Variants in WWOX observed in about 807,000 individuals in gnomAD.
WWOX encodes WW domain-containing oxidoreductase.
A neutral mutation model predicts 46.2 loss-of-function variants in WWOX; 69 were observed. The observed-to-expected ratio is 1.49, with a 90% confidence interval of 1.23 to 1.82. The LOEUF (loss-of-function observed/expected upper bound fraction) is 1.82. Among genes scored for constraint, WWOX ranks in the 40% most tolerant of loss-of-function variants. WWOX has a pLI of 0.00. For synonymous variants in WWOX, 359 were observed against 202.6 expected (o/e 1.77, Z -6.56); for missense variants, 919 against 542.6 (o/e 1.69, Z -6.89).
intron 8 of WWOX, among the ~76,000 whole-genome samples, chr16:78,518,318 G>T (rs557679715): frequency 6.6e-6 from 1 of 152,002 alleles, no homozygotes; most frequent in Non-Finnish European, 1.5e-5. Flanking sequence ...CGCAGCCTCC[G>T]CCTCCTGGGA....
chr16:79,141,869 G>A (rs1469418165), intron 8 of WWOX, among the ~76,000 whole-genome samples: 4 of 151,998 alleles, frequency 2.6e-5, no homozygotes, highest in African/African-American at 9.7e-5. Flanking sequence ...TCTTGGCGTT[G>A]TGATTAGCCC....
intron 8 of WWOX, among the ~76,000 whole-genome samples, chr16:78,460,464 C>G (rs959933299): frequency 6.6e-6 from 1 of 152,142 alleles, no homozygotes; most frequent in Non-Finnish European, 1.5e-5. Flanking sequence ...ACTCTTTGTC[C>G]TTTTCTCTCC....
intron 8 of WWOX, among the ~76,000 whole-genome samples, chr16:78,766,957 G>A (rs1410928477): frequency 6.6e-6 from 1 of 152,052 alleles, no homozygotes; most frequent in Non-Finnish European, 1.5e-5. Context: ...CAAGCTTGTG[G>A]TCTCTGGTAA....
intron 8 of WWOX, among the ~76,000 whole-genome samples, chr16:79,099,395 G>C (rs1387560873): frequency 1.3e-5 from 2 of 152,188 alleles, no homozygotes; most frequent in African/African-American, 2.4e-5. Context: ...CTTACTGCCG[G>C]GGAGACCATA....
At chr16:78,600,295 AC>A (rs1469294008) in intron 8 of WWOX, among the ~76,000 whole-genome samples, 1 of 152,110 alleles carries the variant, frequency 6.6e-6, no homozygotes, top group East Asian at 2.0e-4. Flanking sequence ...TCACAGGGTC[AC>A]CTGTAGGTTA....
chr16:78,777,940 A>G (rs2050232111), intron 8 of WWOX, among the ~76,000 whole-genome samples: 1 of 151,356 alleles, frequency 6.6e-6, no homozygotes, highest in African/African-American at 2.4e-5. Flanking sequence ...AACTGCTCAG[A>G]ATGCTAAGGT....
chr16:78,215,544 C>T (rs2036691390), intron 5 of WWOX, among the ~76,000 whole-genome samples: 1 of 152,226 alleles, frequency 6.6e-6, no homozygotes. Context: ...TTCCTGAGGC[C>T]TCCCTAGCCA....
intron 8 of WWOX, among the ~76,000 whole-genome samples, chr16:78,682,924 C>T (rs914850394): frequency 3.3e-5 from 5 of 152,090 alleles, no homozygotes; most frequent in African/African-American, 1.2e-4. Context: ...GACTAAACAT[C>T]ATAAGCTCCA....
intron 7 of WWOX, among the ~76,000 whole-genome samples, chr16:78,431,587 G>A (rs1018338708): frequency 2.6e-5 from 4 of 151,206 alleles, no homozygotes; most frequent in Non-Finnish European, 5.9e-5. Context: ...CCTGTTGAAG[G>A]TTTTGAAAAA....
chr16:78,539,637 A>ATG (rs981663177), intron 8 of WWOX, among the ~76,000 whole-genome samples: 10 of 152,212 alleles, frequency 6.6e-5, no homozygotes, highest in African/African-American at 2.2e-4. Flanking sequence ...ATTGGCACAT[A>ATG]TGTGTGTGTG....
At chr16:78,371,279 A>C (rs1263662610) in intron 5 of WWOX, among the ~76,000 whole-genome samples, 2 of 152,168 alleles carry the variant, frequency 1.3e-5, no homozygotes, top group African/African-American at 4.8e-5. Flanking sequence ...GATGGATATA[A>C]CTTTTTTAAG....
chr16:78,514,292 A>G (rs2085435573), intron 8 of WWOX, among the ~76,000 whole-genome samples: 1 of 152,226 alleles, frequency 6.6e-6, no homozygotes, highest in Admixed American at 6.5e-5. Flanking sequence ...ATGTATAATA[A>G]GCACATTAAT....
At chr16:78,596,123 CTTAT>C (rs2045483672) in intron 8 of WWOX, among the ~76,000 whole-genome samples, 1 of 151,910 alleles carries the variant, frequency 6.6e-6, no homozygotes, top group Non-Finnish European at 1.5e-5. Flanking sequence ...CATGGTAGGA[CTTAT>C]TTTTTTAATG....
intron 4 of WWOX, among the ~76,000 whole-genome samples, chr16:78,137,562 A>G (rs984098475): frequency 5.9e-5 from 9 of 152,162 alleles, no homozygotes; most frequent in African/African-American, 2.2e-4. Context: ...GACTTCATAT[A>G]TATGCCGCCA....
chr16:78,797,849 G>T (rs765103240), intron 8 of WWOX, among the ~76,000 whole-genome samples: 2 of 152,156 alleles, frequency 1.3e-5, no homozygotes, highest in East Asian at 1.9e-4. Flanking sequence ...TTAGCTGCGC[G>T]TGGTGGCGCG....
intron 8 of WWOX, among the ~76,000 whole-genome samples, chr16:78,767,967 T>G (rs1408207863): frequency 1.3e-5 from 2 of 152,152 alleles, no homozygotes; most frequent in South Asian, 2.1e-4. Context: ...TGCTAATGTC[T>G]TCTAGTACTG....
At chr16:79,088,240 C>T (rs530618450) in intron 8 of WWOX, among the ~76,000 whole-genome samples, 1 of 152,270 alleles carries the variant, frequency 6.6e-6, no homozygotes, top group East Asian at 1.9e-4. Context: ...GACTTGGATC[C>T]CTAAGCACAG....
intron 8 of WWOX, among the ~76,000 whole-genome samples, chr16:78,730,383 C>T (rs1597505934): frequency 6.6e-6 from 1 of 151,976 alleles, no homozygotes; most frequent in African/African-American, 2.4e-5. Context: ...TGGGATGTAC[C>T]AGGCACACTA....
At chr16:78,557,010 G>C (rs1712736618) in intron 8 of WWOX, among the ~76,000 whole-genome samples, 2 of 152,088 alleles carry the variant, frequency 1.3e-5, no homozygotes, top group Non-Finnish European at 2.9e-5. Flanking sequence ...GAGCCACCGA[G>C]CCCAGCCGGC....
Sources: gnomAD v4.1 joint callset for allele counts (sites outside exome capture counted in the v4.1 genomes callset) on GRCh38, gnomAD v4.1.1 for gene constraint, MANE v1.5 for transcripts, NCBI Gene and HGNC (gene_info 2026-07-23, HGNC 2026-07-21) for gene names.